USP13: variants seen among roughly 807,000 people sequenced by gnomAD.
USP13 encodes the protein ubiquitin specific peptidase 13, also known as ubiquitin carboxyl-terminal hydrolase 13.
Under a neutral mutation model 107.8 loss-of-function variants are expected in USP13, and 68 were observed. The ratio of observed to expected loss-of-function variants is 0.63; its 90% CI spans 0.52 to 0.77. The LOEUF (loss-of-function observed/expected upper bound fraction) is 0.77. Ranked by LOEUF, USP13 falls within the 30% of genes least tolerant of loss-of-function variation. The pLI, the probability that USP13 is intolerant of heterozygous loss-of-function variation, is 0.00. For missense variants in USP13, 945 were observed against 1,093.3 expected (o/e 0.86, Z 1.91); for synonymous variants, 377 against 389.5 (o/e 0.97, Z 0.38).
In USP13 at chr3:179,681,895, CTA is replaced by C; in HGVS notation, c.188_189del (p.Tyr63CysfsTer15). The C allele has an allele frequency of 6.2e-7, 1 of 1,613,126 alleles. No individual in the cohort carries two copies. The highest frequency in any genetic ancestry group is 8.5e-7 in the Non-Finnish European group (1 of 1,179,540). On this transcript the variant is annotated frameshift_variant, in exon 2 of 21. Transcript: ENST00000263966. LOFTEE classifies it high-confidence loss of function. ...YDSPNSEGGL[Y>X]VCMNTFLAFG... Reference sequence around the variant, plus strand: ...TCTTCTAGAATTCTGAAGGTGGACTCTATGTATGCATGAATACATTTTTGGCC... The same window carrying C: ...TCTTCTAGAATTCTGAAGGTGGACTCTGTATGCATGAATACATTTTTGGCC...
intron 6 of USP13, 78 bp from the exon 7 acceptor site, chr3:179,719,862 A>G (rs1713244704): frequency 4.9e-6 from 6 of 1,226,830 alleles, no homozygotes; most frequent in Non-Finnish European, 5.9e-6. Flanking sequence ...GGTGTACAGT[A>G]GGAGTTCAAA....
intron 19 of USP13, among the ~76,000 whole-genome samples, chr3:179,777,386 G>T (rs1157263634): frequency 6.6e-6 from 1 of 150,608 alleles, no homozygotes; most frequent in Non-Finnish European, 1.5e-5. Flanking sequence ...CCATTGTTTT[G>T]CAGGACATCC....
chr3:179,655,557 G>GTTTGTTTTTTTTTT (rs1560036520), intron 1 of USP13, among the ~76,000 whole-genome samples: 2 of 80,740 alleles, frequency 2.5e-5, no homozygotes, highest in Non-Finnish European at 3.5e-5. Context: ...GGTTTTTTTT[G>GTTTGTTTTTTTTTT]TTTTGTTTTG....
intron 15 of USP13, 124 bp downstream of exon 15, chr3:179,754,978 G>A: frequency 7.6e-7 from 1 of 1,322,444 alleles, no homozygotes; most frequent in Non-Finnish European, 1.0e-6. Context: ...CTGCCTTGCT[G>A]TGATGTAACC....
In USP13 at chr3:179,680,411, C is replaced by T. The variant is rs148649672; in HGVS notation, c.169-1467C>T. 3.3e-3 allele frequency among the ~76,000 whole-genome samples: 507 copies of T among 152,282 alleles called. 4 individuals are homozygous for T. Among genetic ancestry groups the T allele is most frequent in the African/African-American group, 0.012 (483 of 41,564 alleles). ...ATTTGCATTATATTTACTAGTTCAG[C>T]ATCCCTAATCTGAAAATCGGAAATC... is the stretch of plus-strand genomic sequence containing the variant. On this transcript the variant is annotated intron_variant, in intron 1 of 20. Transcript: ENST00000263966.
chr3:179,728,689 A>G (rs1174717291), intron 8 of USP13, among the ~76,000 whole-genome samples: 1 of 152,134 alleles, frequency 6.6e-6, no homozygotes, highest in African/African-American at 2.4e-5. Flanking sequence ...CAGCCTGGGC[A>G]CCATTGAGCA....
At chr3:179,706,724 GACATTGTCAAT>G (rs1429543527) in intron 4 of USP13, among the ~76,000 whole-genome samples, 199 bp from the exon 5 acceptor site, 4 of 152,136 alleles carry the variant, frequency 2.6e-5, no homozygotes, top group Non-Finnish European at 5.9e-5. Context: ...TGCTATCTGT[GACATTGTCAAT>G]ACTACAAACA....
chr3:179,774,483 C>G (rs1170687429), intron 19 of USP13, among the ~76,000 whole-genome samples: 1 of 151,996 alleles, frequency 6.6e-6, no homozygotes, highest in Non-Finnish European at 1.5e-5. Context: ...CAGACCTTCA[C>G]GGCAAGTGCT....
intron 2 of USP13, among the ~76,000 whole-genome samples, chr3:179,684,211 G>A (rs906410370): frequency 6.7e-6 from 1 of 149,580 alleles, no homozygotes; most frequent in Non-Finnish European, 1.5e-5. Context: ...CGCCCCCTTC[G>A]GCCTCCCAAA....
intron 2 of USP13, among the ~76,000 whole-genome samples, chr3:179,689,247 T>C (rs374257026): frequency 1.1e-4 from 17 of 152,358 alleles, no homozygotes; most frequent in African/African-American, 4.1e-4. Flanking sequence ...TTTGGCATTA[T>C]ACTTGATTTG....
At chr3:179,688,234 C>CATCCATCCATCT (rs780480797) in intron 2 of USP13, among the ~76,000 whole-genome samples, 56,967 of 145,046 alleles carry the variant, frequency 0.39, 11,952 homozygotes, top group East Asian at 0.55. Flanking sequence ...TCCATCCATC[C>CATCCATCCATCT]ATCCAACAAA....
intron 5 of USP13, 47 bp from the exon 6 acceptor site, chr3:179,708,726 T>C (rs1305035231): frequency 1.9e-6 from 3 of 1,603,600 alleles, no homozygotes; most frequent in Admixed American, 1.7e-5. Context: ...TGTTAAGTTT[T>C]AAAATTATGC....
chr3:179,753,200 C>T (rs1056424146), intron 14 of USP13, among the ~76,000 whole-genome samples: 5 of 152,192 alleles, frequency 3.3e-5, no homozygotes, highest in East Asian at 1.9e-4. Context: ...ACTAAGCACT[C>T]GTCTGAAGGG....
chr3:179,755,101 C>T (rs182987135), intron 15 of USP13, among the ~76,000 whole-genome samples: 33 of 151,990 alleles, frequency 2.2e-4, no homozygotes, highest in African/African-American at 7.7e-4. Context: ...TTTGTAGGCT[C>T]TTAGTCTAGG....
chr3:179,720,183 T>C (rs9877605), intron 7 of USP13, 149 bp downstream of exon 7: 108,186 of 511,604 alleles, frequency 0.21, 13,032 homozygotes, highest in African/African-American at 0.37. Flanking sequence ...CATTTACTTC[T>C]TGCATTTAAT....
intron 13 of USP13, among the ~76,000 whole-genome samples, chr3:179,750,831 G>A (rs1714584480): frequency 6.6e-6 from 1 of 152,184 alleles, no homozygotes; most frequent in Non-Finnish European, 1.5e-5. Context: ...AGTGTCAGTG[G>A]TTTGCCCAGA....
intron 18 of USP13, among the ~76,000 whole-genome samples, chr3:179,765,338 G>A (rs1560079637): frequency 6.6e-6 from 1 of 152,232 alleles, no homozygotes; most frequent in Non-Finnish European, 1.5e-5. Flanking sequence ...AGTGGCTTTA[G>A]AAAGAGCTGC....
At chr3:179,756,240 T>C (rs1560076155) in intron 15 of USP13, among the ~76,000 whole-genome samples, 1 of 151,866 alleles carries the variant, frequency 6.6e-6, no homozygotes, top group Non-Finnish European at 1.5e-5. Flanking sequence ...CTGGCCAACA[T>C]GGTGAAACCT....
chr3:179,737,459 A>T (rs1185690568), intron 10 of USP13, among the ~76,000 whole-genome samples: 1 of 152,236 alleles, frequency 6.6e-6, no homozygotes, highest in African/African-American at 2.4e-5. Flanking sequence ...AATGTTAGCC[A>T]TTATATGAAG....
Sources: allele counts gnomAD v4.1 joint callset (sites outside exome capture counted in the v4.1 genomes callset), GRCh38; gene constraint gnomAD v4.1.1; transcripts MANE v1.5; gene names NCBI Gene and HGNC (gene_info 2026-07-23, HGNC 2026-07-21).